Variants in PCDHA2 observed in about 807,000 individuals in gnomAD.
PCDHA2 encodes the protein protocadherin alpha-2.
PCDHA2 carries 58 observed loss-of-function variants against 66.0 expected under a neutral mutation model. The observed-to-expected ratio is 0.88, with a 90% confidence interval of 0.71 to 1.09. The LOEUF is 1.09. Ranked by LOEUF, PCDHA2 falls within the 50% of genes least tolerant of loss-of-function variation. The pLI is 0.00. For synonymous variants in PCDHA2, 634 were observed against 554.0 expected (o/e 1.14, Z -2.03); for missense variants, 1,267 against 1,242.3 (o/e 1.02, Z -0.30).
chr5:140,969,066 G>A (rs2096292938), intron 1 of PCDHA2: 2 of 1,614,144 alleles, frequency 1.2e-6, no homozygotes, highest in Admixed American at 3.3e-5. Context: ...ATTGATGCCA[G>A]GATACCGCAT....
intron 1 of PCDHA2, chr5:140,871,538 A>G: frequency 6.6e-7 from 1 of 1,507,314 alleles, no homozygotes; most frequent in Non-Finnish European, 8.9e-7. Context: ...TGTATGTGAA[A>G]TTATTTAAAA....
At chr5:140,928,466 T>C in intron 1 of PCDHA2, 13 of 1,614,140 alleles carry the variant, frequency 8.1e-6, no homozygotes, top group Non-Finnish European at 1.1e-5. Context: ...CATTTCCAAG[T>C]AGAAGGCCGG....
At position 140,876,889 on chromosome 5, in the gene PCDHA2, C is replaced by G. The variant is rs1409299527; in HGVS notation, c.2388+79537C>G. On this transcript the variant is annotated intron_variant, in intron 1 of 3. Coordinates refer to ENST00000526136, the MANE Select transcript of PCDHA2 (RefSeq NM_018905.3). ...GAAGGAGAACAACCCGCCGGGCTGC[C>G]ACATCTTCACGGTGTCGGCATGGGA... 3.1e-6 allele frequency: 5 copies of G among 1,613,996 alleles called. No homozygotes were observed. In the African/African-American group the frequency reaches 6.7e-5, roughly 22 times the overall value.
intron 1 of PCDHA2, chr5:140,808,253 T>C: frequency 1.2e-6 from 2 of 1,614,254 alleles, no homozygotes; most frequent in South Asian, 1.1e-5. Context: ...CAAGTCTTTA[T>C]CACTTCCAAT....
intron 1 of PCDHA2, chr5:140,827,862 T>C (rs1402677549): frequency 1.7e-6 from 1 of 602,742 alleles, no homozygotes; most frequent in Non-Finnish European, 2.9e-6. Flanking sequence ...AAATATATGG[T>C]ATAGCACTGT....
intron 1 of PCDHA2, chr5:140,808,928 G>T: frequency 6.2e-7 from 1 of 1,613,746 alleles, no homozygotes; most frequent in Non-Finnish European, 8.5e-7. Flanking sequence ...GAGCGAGCTG[G>T]TGCCATGGTC....
intron 1 of PCDHA2, among the ~76,000 whole-genome samples, chr5:140,818,022 T>A (rs1766264873): frequency 6.6e-6 from 1 of 152,256 alleles, no homozygotes; most frequent in South Asian, 2.1e-4. Context: ...ACAGCTTTAC[T>A]ATCATGTGCC....
chr5:140,995,867 G>A (rs1355291744), intron 3 of PCDHA2, among the ~76,000 whole-genome samples: 1 of 152,152 alleles, frequency 6.6e-6, no homozygotes, highest in Non-Finnish European at 1.5e-5. Flanking sequence ...CTTAATAATT[G>A]TGCAACCTGT....
At chr5:140,842,161 T>C in intron 1 of PCDHA2, 1 of 1,613,884 alleles carries the variant, frequency 6.2e-7, no homozygotes. Flanking sequence ...TTTCATATTC[T>C]TTTAATAGCC....
At position 140,876,236 on chromosome 5, in the gene PCDHA2, T is replaced by A. The variant is rs782328225; in HGVS notation, c.2388+78884T>A. ...TATAAAGTAGTGTTGTCTGAAAATG[T>A]CCAAAACGACACAAGAGTGATCCAA... On this transcript the variant is annotated intron_variant, in intron 1 of 3. Coordinates refer to ENST00000526136, the MANE Select transcript of PCDHA2 (RefSeq NM_018905.3). The A allele has an allele frequency of 6.2e-7, 1 of 1,613,856 alleles. No homozygotes were observed. Among genetic ancestry groups the A allele is most frequent in the African/African-American group, 1.3e-5 (1 of 74,914 alleles).
At chr5:140,920,294 A>T (rs1554199563) in intron 1 of PCDHA2, among the ~76,000 whole-genome samples, 9 of 152,206 alleles carry the variant, frequency 5.9e-5, no homozygotes. Context: ...TTTTAGAGGC[A>T]CTAAGAGAAA....
At chr5:140,893,385 G>A (rs2063961874) in intron 1 of PCDHA2, among the ~76,000 whole-genome samples, 1 of 152,138 alleles carries the variant, frequency 6.6e-6, no homozygotes, top group South Asian at 2.1e-4. Flanking sequence ...TGGGACAGTG[G>A]CTCATGCCTG....
chr5:140,803,330 G>C, intron 1 of PCDHA2: 2 of 1,614,190 alleles, frequency 1.2e-6, no homozygotes, highest in Non-Finnish European at 1.7e-6. Flanking sequence ...CCAGTCTGTT[G>C]GTGCTCACAC....
chr5:140,822,432 C>T, intron 1 of PCDHA2: 2 of 1,613,792 alleles, frequency 1.2e-6, no homozygotes, highest in East Asian at 2.2e-5. Context: ...GAGGAAAACC[C>T]GAACTAACAG....
At position 140,857,332 on chromosome 5, in the gene PCDHA2, C is replaced by G. The variant is rs782461373; in HGVS notation, c.2388+59980C>G. The G allele has an allele frequency of 1.9e-6, 3 of 1,598,330 alleles. 1 individual carries two copies. The highest frequency in any genetic ancestry group is 2.6e-6 in the Non-Finnish European group (3 of 1,167,876). On this transcript the variant is annotated intron_variant, in intron 1 of 3. Transcript: ENST00000526136. Reference sequence around the variant, plus strand: ...ATGAGCTGGTGGTGACCGCGCGGGACGGGGGCTCGCCTCCGCTGTGGGCCA... The same window carrying G: ...ATGAGCTGGTGGTGACCGCGCGGGAGGGGGGCTCGCCTCCGCTGTGGGCCA...
intron 1 of PCDHA2, chr5:140,809,130 T>C (rs1562222868): frequency 6.2e-7 from 1 of 1,614,014 alleles, no homozygotes; most frequent in Non-Finnish European, 8.5e-7. Context: ...CACCGCCTAC[T>C]GGTACTGGTG....
At chr5:140,804,923 G>T in intron 1 of PCDHA2, 9 of 968,472 alleles carry the variant, frequency 9.3e-6, no homozygotes, top group East Asian at 3.0e-5. Context: ...TTCCTTTTTT[G>T]GCACTATCCT....
chr5:140,924,996 T>G (rs960105846), intron 1 of PCDHA2, among the ~76,000 whole-genome samples: 1 of 151,078 alleles, frequency 6.6e-6, no homozygotes, highest in African/African-American at 2.4e-5. Flanking sequence ...ATCCTAGCAC[T>G]TTAGGAGGCT....
chr5:140,828,445 T>G (rs1769755224), intron 1 of PCDHA2: 1 of 1,614,218 alleles, frequency 6.2e-7, no homozygotes, highest in Non-Finnish European at 8.5e-7. Context: ...AGGTTTTCCA[T>G]GTGGACGTGG....
Sources: allele counts gnomAD v4.1 joint callset (sites outside exome capture counted in the v4.1 genomes callset), GRCh38; gene constraint gnomAD v4.1.1; transcripts MANE v1.5; gene names NCBI Gene and HGNC (gene_info 2026-07-23, HGNC 2026-07-21).